Variants in SAMHD1 observed in about 807,000 individuals in gnomAD.
SAMHD1 encodes the protein deoxynucleoside triphosphate triphosphohydrolase SAMHD1.
SAMHD1 carries 54 observed loss-of-function variants against 79.6 expected under a neutral mutation model. That is an observed-to-expected ratio of 0.68 (90% CI 0.55 to 0.85). SAMHD1 has a LOEUF of 0.85. Among genes scored for constraint, SAMHD1 ranks in the 40% least tolerant of loss-of-function variants. The probability of loss-of-function intolerance (pLI) is 0.00; values close to 1 mark genes in which losing one functional copy is unlikely to be tolerated. For synonymous variants in SAMHD1, 260 were observed against 264.1 expected, an observed-to-expected ratio of 0.98 and a Z score of 0.15; for missense variants, 663 against 782.7, an observed-to-expected ratio of 0.85 and a Z score of 1.82.
rs138570252 is a variant in SAMHD1 at position 36,928,691 on chromosome 20, A to G, written c.626-1439T>C. ...CAGAGCGAGATTCTGTCTCGGGAAA[A>G]AAAAAAAAGAAAATCCACTGGGGTG... is the stretch of plus-strand genomic sequence containing the variant. On this transcript the variant is annotated intron_variant, in intron 5 of 15. Transcript: ENST00000646673. Among the ~76,000 whole-genome samples, 46 of 150,582 alleles carry G rather than the reference A, an allele frequency of 3.1e-4. No homozygotes were observed. The East Asian group carries it at 7.5e-3, about 24-fold the overall frequency.
At chr20:36,908,479 C>T (rs1287138538) in intron 11 of SAMHD1, among the ~76,000 whole-genome samples, 1 of 152,108 alleles carries the variant, frequency 6.6e-6, no homozygotes, top group Non-Finnish European at 1.5e-5. Flanking sequence ...CTCAAGCGAT[C>T]CAACTGCCTT....
chr20:36,908,031 C>T (rs1488161544), intron 11 of SAMHD1, among the ~76,000 whole-genome samples: 5 of 150,690 alleles, frequency 3.3e-5, no homozygotes, highest in Non-Finnish European at 4.4e-5. Context: ...CCCGCCAGCA[C>T]GCCCAGCTAA....
At chr20:36,921,264 G>A (rs1414604452) in intron 6 of SAMHD1, among the ~76,000 whole-genome samples, 1 of 151,616 alleles carries the variant, frequency 6.6e-6, no homozygotes, top group Non-Finnish European at 1.5e-5. Context: ...GTGGTGGCAT[G>A]CACCTGTAGT....
chr20:36,920,863 T>C (rs919875477), intron 6 of SAMHD1, among the ~76,000 whole-genome samples: 1 of 151,834 alleles, frequency 6.6e-6, no homozygotes, highest in African/African-American at 2.4e-5. Flanking sequence ...GGTGGGAGGA[T>C]TGCTTGAGCC....
intron 4 of SAMHD1, among the ~76,000 whole-genome samples, chr20:36,934,507 G>C (rs1264062748): frequency 4.8e-4 from 39 of 81,790 alleles, no homozygotes; most frequent in African/African-American, 2.1e-3. Context: ...TAGTGAAAGA[G>C]ACTCTGTCTC....
Position 36,905,435 on chromosome 20 carries a change from GTTTT to G in SAMHD1, c.1335_1338del (p.Leu445PhefsTer21). The G allele has an allele frequency of 6.2e-7, 1 of 1,613,574 alleles. No homozygotes were observed. Among genetic ancestry groups the G allele is most frequent in the African/African-American group, 1.3e-5 (1 of 75,006 alleles). On this transcript the variant is annotated frameshift_variant, in exon 12 of 16. Transcript: ENST00000646673. LOFTEE classifies it high-confidence loss of function. ...TTGAATAGATTACGGTATTCAATTTGTTTTAAAATCTCTCGTGCGTCTTTCAATT... is the reference window on the plus strand; with the variant it reads ...TTGAATAGATTACGGTATTCAATTTGAAAATCTCTCGTGCGTCTTTCAATT...
intron 3 of SAMHD1, among the ~76,000 whole-genome samples, chr20:36,935,788 C>G (rs2063599437): frequency 6.6e-6 from 1 of 152,092 alleles, no homozygotes; most frequent in Non-Finnish European, 1.5e-5. Flanking sequence ...CCAGGCTGGC[C>G]GCGAACTCCT....
At chr20:36,900,801 T>C (rs1027203152) in intron 13 of SAMHD1, among the ~76,000 whole-genome samples, 16 of 147,200 alleles carry the variant, frequency 1.1e-4, no homozygotes, top group Non-Finnish European at 9.0e-5. Context: ...CTCGATCTCC[T>C]GACCTTGTGA....
intron 6 of SAMHD1, among the ~76,000 whole-genome samples, chr20:36,920,116 T>C (rs1315200432): frequency 6.6e-6 from 1 of 152,104 alleles, no homozygotes; most frequent in African/African-American, 2.4e-5. Context: ...CCTATAACTA[T>C]ATTTTTTTAA....
chr20:36,946,733 C>G lies in SAMHD1; in HGVS notation c.275+5G>C. ...TATAACGTGAATTTATTTCTTCATTCTTACCTTACTCCAAGATTTTCAAAA... is the reference window on the plus strand; with the variant it reads ...TATAACGTGAATTTATTTCTTCATTGTTACCTTACTCCAAGATTTTCAAAA... On this transcript the variant is annotated splice_donor_5th_base_variant and intron_variant, in intron 2 of 15. Coordinates refer to ENST00000646673, the MANE Select transcript of SAMHD1 (RefSeq NM_015474.4). 1 of 1,607,774 alleles carries G rather than the reference C, an allele frequency of 6.2e-7. No homozygotes were observed. The highest frequency in any genetic ancestry group is 8.5e-7 in the Non-Finnish European group (1 of 1,175,022).
At chr20:36,947,482 TGTGTGTGTGA>T (rs2063698772) in intron 1 of SAMHD1, among the ~76,000 whole-genome samples, 3 of 131,618 alleles carry the variant, frequency 2.3e-5, no homozygotes, top group African/African-American at 5.9e-5. Flanking sequence ...AAGAGGTGTG[TGTGTGTGTGA>T]GTGTGTGTGT....
At chr20:36,933,412 A>G (rs1423857999) in intron 4 of SAMHD1, among the ~76,000 whole-genome samples, 1 of 152,238 alleles carries the variant, frequency 6.6e-6, no homozygotes, top group Non-Finnish European at 1.5e-5. Context: ...GCAACTCTGT[A>G]CCAGAGTAAA....
At chr20:36,912,933 TG>T (rs1176464781) in intron 9 of SAMHD1, among the ~76,000 whole-genome samples, 4 of 130,630 alleles carry the variant, frequency 3.1e-5, no homozygotes, top group Non-Finnish European at 4.7e-5. Flanking sequence ...AGTCTCGATC[TG>T]TTGCCCAGGC....
rs1314817089 is a variant in SAMHD1 at position 36,897,847 on chromosome 20, G to GCA, written c.1719_1720dup (p.Ala574ValfsTer15). Reference sequence around the variant, plus strand: ...CTGCGGCTTGGTGAAATTTCTGTCTGCACACCACTGAACAAAATATTGTCT... The same window carrying GCA: ...CTGCGGCTTGGTGAAATTTCTGTCTGCACACACCACTGAACAAAATATTGTCT... On this transcript the variant is annotated frameshift_variant, in exon 15 of 16. Transcript: ENST00000646673. LOFTEE classifies it low-confidence loss of function (END_TRUNC). 6.2e-7 allele frequency: 1 copy of GCA among 1,614,206 alleles called. No individual in the cohort carries two copies. Among genetic ancestry groups the GCA allele is most frequent in the Admixed American group, 1.7e-5 (1 of 60,008 alleles).
At chr20:36,932,455 T>G (rs907429113) in intron 4 of SAMHD1, among the ~76,000 whole-genome samples, 27 of 57,556 alleles carry the variant, frequency 4.7e-4, no homozygotes, top group Middle Eastern at 6.1e-3. Flanking sequence ...CAGTTTCGTG[T>G]TTTTTTTTTT....
chr20:36,890,915 T>A lies in SAMHD1; in HGVS notation c.*2017A>T, dbSNP rs569383031. On this transcript the variant is annotated 3_prime_UTR_variant, in exon 16 of 16. Coordinates refer to ENST00000646673, the MANE Select transcript of SAMHD1 (RefSeq NM_015474.4). ...AGTTGTTTTGCAGACAGCACAATGA[T>A]ACAATATTAGGACTACAGAATCTCA... 6.6e-6 allele frequency: 1 copy of A among 152,238 alleles called. No homozygotes were observed. Among genetic ancestry groups the A allele is most frequent in the African/African-American group, 2.4e-5 (1 of 41,466 alleles). 9.4% of individuals were successfully genotyped at this position (152,238 alleles called of 1,614,324 possible). A position where few individuals can be genotyped will look rare whatever the true frequency, so the allele number is the denominator to read the frequency against.
intron 3 of SAMHD1, among the ~76,000 whole-genome samples, chr20:36,939,362 G>A (rs2063626154): frequency 6.6e-6 from 1 of 151,850 alleles, no homozygotes; most frequent in African/African-American, 2.4e-5. Flanking sequence ...GGAGGCCAAG[G>A]CAGACGGATC....
intron 2 of SAMHD1, among the ~76,000 whole-genome samples, chr20:36,946,099 A>G (rs1310415988): frequency 1.3e-5 from 2 of 152,048 alleles, no homozygotes; most frequent in African/African-American, 4.8e-5. Flanking sequence ...TCTGGCCAAC[A>G]TGGTGAAACC....
chr20:36,904,061 C>G (rs2063391626), intron 13 of SAMHD1, 96 bp downstream of exon 13: 1 of 773,078 alleles, frequency 1.3e-6, no homozygotes, highest in Non-Finnish European at 2.3e-6. Context: ...CTGTATTTTT[C>G]TAATTTGCTA....
Sources: gnomAD v4.1 joint callset for allele counts (sites outside exome capture counted in the v4.1 genomes callset) on GRCh38, gnomAD v4.1.1 for gene constraint, MANE v1.5 for transcripts, NCBI Gene and HGNC (gene_info 2026-07-23, HGNC 2026-07-21) for gene names.